AP1M1: variants seen among roughly 807,000 people sequenced by gnomAD.
AP1M1 encodes AP-1 complex subunit mu-1.
Under a neutral mutation model 57.1 loss-of-function variants are expected in AP1M1, and 18 were observed. That is an observed-to-expected ratio of 0.32 (90% CI 0.22 to 0.47). AP1M1 has a LOEUF of 0.47. Ranked by LOEUF, AP1M1 falls within the 20% of genes least tolerant of loss-of-function variation. The probability of loss-of-function intolerance (pLI) is 1.00; values close to 1 mark genes in which losing one functional copy is unlikely to be tolerated. For synonymous variants in AP1M1, 241 were observed against 237.9 expected (o/e 1.01, Z -0.12); for missense variants, 362 against 593.5 (o/e 0.61, Z 4.05).
chr19:16,212,020 T>G (rs893838981), intron 5 of AP1M1, among the ~76,000 whole-genome samples: 3 of 152,196 alleles, frequency 2.0e-5, no homozygotes. Flanking sequence ...TGTTGAGGAT[T>G]TTTGCATCAA....
Position 16,199,534 on chromosome 19 carries a change from C to T in AP1M1, c.42+1466C>T, listed in dbSNP as rs566515127. ...CATGGGTGTCAGGTCCTAGGTGAGG[C>T]GGGCAGGGGTGAGCCCTAAAGCAGC... On this transcript the variant is annotated intron_variant, in intron 1 of 11. Coordinates refer to ENST00000291439, the MANE Select transcript of AP1M1 (RefSeq NM_032493.4). 1.8e-3 allele frequency among the ~76,000 whole-genome samples: 268 copies of T among 152,270 alleles called. 6 individuals are homozygous for T. In the South Asian group the frequency reaches 0.032, roughly 18 times the overall value.
intron 1 of AP1M1, among the ~76,000 whole-genome samples, chr19:16,202,409 A>G (rs1331994047): frequency 6.6e-6 from 1 of 152,208 alleles, no homozygotes; most frequent in African/African-American, 2.4e-5. Flanking sequence ...TTACATTAAT[A>G]ACCTGCACTT....
intron 5 of AP1M1, among the ~76,000 whole-genome samples, chr19:16,215,628 A>G (rs577638515): frequency 3.9e-5 from 6 of 152,040 alleles, no homozygotes; most frequent in African/African-American, 1.2e-4. Flanking sequence ...ACCCTGGACA[A>G]TCTGATGATT....
intron 6 of AP1M1, 187 bp downstream of exon 6, chr19:16,226,734 G>C: frequency 1.3e-6 from 1 of 772,058 alleles, no homozygotes; most frequent in South Asian, 2.5e-5. Flanking sequence ...GAAGGTGCAG[G>C]GGAGTGAAGA....
intron 9 of AP1M1, among the ~76,000 whole-genome samples, chr19:16,231,170 C>T (rs1035281395): frequency 7.3e-5 from 11 of 151,526 alleles, no homozygotes; most frequent in Non-Finnish European, 1.2e-4. Context: ...TGCCTGTAGT[C>T]CCAGCTACTC....
At chr19:16,218,376 C>T (rs952580958) in intron 5 of AP1M1, among the ~76,000 whole-genome samples, 9 of 152,334 alleles carry the variant, frequency 5.9e-5, no homozygotes, top group East Asian at 1.9e-4. Flanking sequence ...CGCAGCTGGC[C>T]GTGGCAGTCG....
rs1223451294 is a variant in AP1M1, at chr19:16,243,295, G to T, written c.*8860G>T. The T allele has an allele frequency of 2.6e-5, 4 of 151,208 alleles. No homozygotes were observed. The highest frequency in any genetic ancestry group is 5.9e-5 in the Non-Finnish European group (4 of 67,784). 9.4% of individuals were successfully genotyped at this position (151,208 alleles called of 1,614,324 possible). A position where few individuals can be genotyped will look rare whatever the true frequency, so the allele number is the denominator to read the frequency against. ...GTTTTTGTTTTTGTTTTGAGAAAGG[G>T]TCTCTGTTGCCCAGGCTGGAGTGCA... On this transcript the variant is annotated 3_prime_UTR_variant, in exon 12 of 12. Coordinates refer to ENST00000291439, the MANE Select transcript of AP1M1 (RefSeq NM_032493.4).
At chr19:16,201,398 T>C (rs962747773) in intron 1 of AP1M1, among the ~76,000 whole-genome samples, 1 of 135,782 alleles carries the variant, frequency 7.4e-6, no homozygotes, top group Non-Finnish European at 1.6e-5. Context: ...CTTTTTTTTT[T>C]TTTTTTTTTT....
At chr19:16,198,550 A>G (rs2091434160) in intron 1 of AP1M1, among the ~76,000 whole-genome samples, 1 of 152,118 alleles carries the variant, frequency 6.6e-6, no homozygotes, top group African/African-American at 2.4e-5. Context: ...GAATTTCTCC[A>G]CGTTCATTGT....
chr19:16,229,418 GACA>G (rs1428076319), intron 9 of AP1M1, among the ~76,000 whole-genome samples: 4 of 152,244 alleles, frequency 2.6e-5, no homozygotes, highest in Non-Finnish European at 5.9e-5. Context: ...TGGCTTCCCT[GACA>G]ACATGTTAAG....
At chr19:16,210,216 T>G in intron 5 of AP1M1, 1 of 573,002 alleles carries the variant, frequency 1.7e-6, no homozygotes, top group South Asian at 2.4e-5. Context: ...TCTGTTCCCT[T>G]TTATATTTAT....
At chr19:16,225,048 C>A (rs982255734) in intron 5 of AP1M1, among the ~76,000 whole-genome samples, 1 of 152,102 alleles carries the variant, frequency 6.6e-6, no homozygotes, top group Admixed American at 6.5e-5. Flanking sequence ...GAGATGAGGA[C>A]AGGACAGCAC....
In AP1M1 at chr19:16,213,063, C is replaced by T. The variant is rs142622779; in HGVS notation, c.546+3886C>T. Among the ~76,000 whole-genome samples the T allele has an allele frequency of 7.9e-5, 12 of 152,160 alleles. 1 individual carries two copies. The highest frequency in any genetic ancestry group is 2.9e-4 in the African/African-American group (12 of 41,532). On this transcript the variant is annotated intron_variant, in intron 5 of 11. Coordinates refer to ENST00000291439, the MANE Select transcript of AP1M1 (RefSeq NM_032493.4). ...GTACCATGTACAGATGAGATATATT[C>T]TCTCGTTTTTGGGTGGAGAGTTCTG... is the stretch of plus-strand genomic sequence containing the variant.
In AP1M1 at chr19:16,203,428, A is replaced by G. The variant is rs956031176; in HGVS notation, c.43-31A>G. 1 of 1,613,678 alleles carries G rather than the reference A, an allele frequency of 6.2e-7. No individual in the cohort carries two copies. Among genetic ancestry groups the G allele is most frequent in the Non-Finnish European group, 8.5e-7 (1 of 1,179,832 alleles). ...CCCCAGATTGTAGAACTGAAAATGC[A>G]AGCATCTTTTCTCTTCCTTCCCCAC... On this transcript the variant is annotated intron_variant, in intron 1 of 11. Coordinates refer to ENST00000291439, the MANE Select transcript of AP1M1 (RefSeq NM_032493.4). The surrounding 1 kb of genome is among the most constrained non-coding windows in gnomAD (Gnocchi z 4.6).
intron 1 of AP1M1, among the ~76,000 whole-genome samples, chr19:16,200,331 AAG>A (rs2091441849): frequency 6.6e-6 from 1 of 152,242 alleles, no homozygotes; most frequent in African/African-American, 2.4e-5. Context: ...TCATGTGGAA[AAG>A]AGGTGTTGCA....
rs11305393 is a variant in AP1M1 at position 16,209,619 on chromosome 19, G to GA, written c.546+454dup. Among the ~76,000 whole-genome samples, 450 of 146,820 alleles carry GA rather than the reference G, an allele frequency of 3.1e-3. 3 individuals are homozygous for GA. Among genetic ancestry groups the GA allele is most frequent in the African/African-American group, 9.6e-3 (377 of 39,244 alleles). On this transcript the variant is annotated intron_variant, in intron 5 of 11. Transcript: ENST00000291439. ...GGGCTCTTATCAGTCACCATGCACA[G>GA]AAAAAAAAAAAAGAAACTAAAGGGC...
At chr19:16,223,574 G>A (rs2091555559) in intron 5 of AP1M1, among the ~76,000 whole-genome samples, 1 of 152,236 alleles carries the variant, frequency 6.6e-6, no homozygotes, top group South Asian at 2.1e-4. Context: ...TGGGGCATGA[G>A]GAACAGGGGA....
intron 11 of AP1M1, 65 bp downstream of exon 11, chr19:16,234,339 T>A: frequency 6.2e-7 from 1 of 1,612,096 alleles, no homozygotes; most frequent in Non-Finnish European, 8.5e-7. Flanking sequence ...GCCCCCAGGG[T>A]GGAGCCATCG....
chr19:16,236,860 G>A lies in AP1M1; in HGVS notation c.*2425G>A, dbSNP rs181043491. ...GCACATCCTGAAAATTACAAAACAC[G>A]TGCATGAAAGCAAACTTGAAACAGC... On this transcript the variant is annotated 3_prime_UTR_variant, in exon 12 of 12. Coordinates refer to ENST00000291439, the MANE Select transcript of AP1M1 (RefSeq NM_032493.4). 1.1e-4 allele frequency: 16 copies of A among 152,168 alleles called. No homozygotes were observed. The East Asian group carries it at 2.9e-3, about 28-fold the overall frequency. 9.4% of individuals were successfully genotyped at this position (152,168 alleles called of 1,614,324 possible).
Sources: gnomAD v4.1 joint callset for allele counts (sites outside exome capture counted in the v4.1 genomes callset) on GRCh38, gnomAD v4.1.1 for gene constraint, Gnocchi (gnomAD v3.1) non-coding constraint, MANE v1.5 for transcripts, NCBI Gene and HGNC (gene_info 2026-07-23, HGNC 2026-07-21) for gene names.